Variants in SNX29 observed in about 807,000 individuals in gnomAD.
SNX29 encodes the protein sorting nexin 29, also known as sorting nexin-29.
A neutral mutation model predicts 102.1 loss-of-function variants in SNX29; 78 were observed. That is an observed-to-expected ratio of 0.76 (90% CI 0.64 to 0.92). SNX29 has a LOEUF of 0.92. Ranked by LOEUF, SNX29 falls within the 40% of genes least tolerant of loss-of-function variation. The pLI is 0.00. For synonymous variants in SNX29, 580 were observed against 414.5 expected, an observed-to-expected ratio of 1.40 and a Z score of -4.85; for missense variants, 1,280 against 1,061.7, an observed-to-expected ratio of 1.21 and a Z score of -2.86.
At chr16:12,333,714 C>T (rs377251804) in intron 15 of SNX29, among the ~76,000 whole-genome samples, 24 of 152,164 alleles carry the variant, frequency 1.6e-4, no homozygotes, top group African/African-American at 5.1e-4. Context: ...TCTTCCCAAG[C>T]AGGTGAGAAG....
At chr16:12,201,300 A>G (rs1312405106) in intron 14 of SNX29, among the ~76,000 whole-genome samples, 1 of 152,060 alleles carries the variant, frequency 6.6e-6, no homozygotes. Context: ...TTTACATCTC[A>G]TCTCTGTTTC....
intron 15 of SNX29, among the ~76,000 whole-genome samples, chr16:12,319,690 A>C (rs1348590437): frequency 6.6e-6 from 1 of 152,090 alleles, no homozygotes; most frequent in Non-Finnish European, 1.5e-5. Flanking sequence ...AGGAGGAGAG[A>C]AGATTGTCTC....
chr16:12,219,876 C>G (rs183284090), intron 14 of SNX29, among the ~76,000 whole-genome samples: 18 of 152,328 alleles, frequency 1.2e-4, no homozygotes, highest in African/African-American at 4.3e-4. Context: ...GGCTCAATCA[C>G]TCGTACATTG....
At chr16:12,426,368 T>C (rs957887960) in intron 18 of SNX29, among the ~76,000 whole-genome samples, 13 of 152,166 alleles carry the variant, frequency 8.5e-5, no homozygotes, top group Non-Finnish European at 1.3e-4. Context: ...GGCCTTGCTC[T>C]GATCCTGAAA....
chr16:12,094,113 G>C (rs2052672359), intron 11 of SNX29, among the ~76,000 whole-genome samples: 1 of 152,190 alleles, frequency 6.6e-6, no homozygotes, highest in South Asian at 2.1e-4. Context: ...CTGTGCCTCA[G>C]CGTTCTCGTC....
At chr16:12,507,552 C>T (rs1245899328) in intron 19 of SNX29, among the ~76,000 whole-genome samples, 3 of 150,918 alleles carry the variant, frequency 2.0e-5, no homozygotes, top group Non-Finnish European at 4.4e-5. Context: ...CCAGATCTTT[C>T]CATAGTGAGC....
At chr16:12,565,270 G>C (rs1567216113) in intron 20 of SNX29, among the ~76,000 whole-genome samples, 1 of 152,174 alleles carries the variant, frequency 6.6e-6, no homozygotes, top group African/African-American at 2.4e-5. Context: ...AAGAGGTTCA[G>C]CCTCACATAC....
intron 14 of SNX29, among the ~76,000 whole-genome samples, chr16:12,224,054 G>A (rs78083574): frequency 7.0e-4 from 107 of 152,266 alleles, no homozygotes; most frequent in African/African-American, 2.5e-3. Context: ...TGCCTTGCCC[G>A]TGGTAGCCTT....
At chr16:12,255,590 C>A (rs1238866464) in intron 14 of SNX29, among the ~76,000 whole-genome samples, 2 of 149,940 alleles carry the variant, frequency 1.3e-5, no homozygotes, top group African/African-American at 5.1e-5. Flanking sequence ...CTCTCTGCTT[C>A]TATGCTCATA....
intron 13 of SNX29, among the ~76,000 whole-genome samples, chr16:12,151,263 T>G (rs1171701712): frequency 6.6e-6 from 1 of 151,994 alleles, no homozygotes. Flanking sequence ...TGCTTATATA[T>G]GAATCTCTTA....
chr16:12,277,424 C>T (rs892953476), intron 14 of SNX29, among the ~76,000 whole-genome samples: 2 of 152,008 alleles, frequency 1.3e-5, no homozygotes, highest in Admixed American at 1.3e-4. Context: ...AACAAAACCT[C>T]CACCCCCCAA....
chr16:12,533,692 A>G (rs1235059415), intron 20 of SNX29, among the ~76,000 whole-genome samples: 1 of 152,094 alleles, frequency 6.6e-6, no homozygotes, highest in African/African-American at 2.4e-5. Context: ...ACCTCTGTCG[A>G]CTGGATGCCT....
chr16:12,218,028 G>C (rs2077370850), intron 14 of SNX29, among the ~76,000 whole-genome samples: 2 of 152,180 alleles, frequency 1.3e-5, no homozygotes, highest in African/African-American at 4.8e-5. Flanking sequence ...TAGCTGGAGA[G>C]TTCCAATTAT....
chr16:12,549,681 T>C (rs1295961863), intron 20 of SNX29, among the ~76,000 whole-genome samples: 1 of 152,220 alleles, frequency 6.6e-6, no homozygotes, highest in African/African-American at 2.4e-5. Flanking sequence ...AGGCCCGGCA[T>C]CTTGATGTCG....
At chr16:12,345,817 C>T (rs1363313979) in intron 15 of SNX29, among the ~76,000 whole-genome samples, 1 of 152,180 alleles carries the variant, frequency 6.6e-6, no homozygotes, top group Non-Finnish European at 1.5e-5. Flanking sequence ...CCTCCCACCT[C>T]CTCTCCCACC....
Position 12,514,680 on chromosome 16 carries a change from C to T in SNX29, c.2179-10022C>T, listed in dbSNP as rs567348080. ...AGGAGTTCGAGACCAGCCTGGCCAA[C>T]ATGGTGAAACCCCGTCTCTAGTAAA... On this transcript the variant is annotated intron_variant, in intron 19 of 20. Coordinates refer to ENST00000566228, the MANE Select transcript of SNX29 (RefSeq NM_032167.5). Among the ~76,000 whole-genome samples the T allele has an allele frequency of 4.6e-5, 7 of 152,226 alleles. No individual in the cohort carries two copies. In the East Asian group the frequency reaches 1.4e-3, roughly 29 times the overall value.
chr16:12,218,497 C>G (rs1271078796), intron 14 of SNX29, among the ~76,000 whole-genome samples: 2 of 152,176 alleles, frequency 1.3e-5, no homozygotes, highest in African/African-American at 2.4e-5. Flanking sequence ...AGCTATAACA[C>G]AAGAGTTGAA....
At chr16:12,548,456 C>CT (rs953560842) in intron 20 of SNX29, among the ~76,000 whole-genome samples, 2 of 152,206 alleles carry the variant, frequency 1.3e-5, no homozygotes, top group Non-Finnish European at 2.9e-5. Flanking sequence ...GCATCTGTGT[C>CT]TTTTGGACAG....
intron 18 of SNX29, among the ~76,000 whole-genome samples, chr16:12,426,739 C>G (rs1001860082): frequency 4.6e-5 from 7 of 152,324 alleles, no homozygotes; most frequent in Non-Finnish European, 4.4e-5. Context: ...GATCTCAGCT[C>G]ACTGCAGCCT....
Sources: allele counts gnomAD v4.1 joint callset (sites outside exome capture counted in the v4.1 genomes callset), GRCh38; gene constraint gnomAD v4.1.1; transcripts MANE v1.5; gene names NCBI Gene and HGNC (gene_info 2026-07-23, HGNC 2026-07-21).